The following FOCAD variants were observed in gnomAD, a reference collection of about 807,000 sequenced individuals.
FOCAD encodes the protein KIAA1797.
A neutral mutation model predicts 225.6 loss-of-function variants in FOCAD; 198 were observed. That is an observed-to-expected ratio of 0.88 (90% CI 0.78 to 0.99). FOCAD has a LOEUF of 0.99. Ranked by LOEUF, FOCAD falls within the 50% of genes least tolerant of loss-of-function variation. The probability of loss-of-function intolerance (pLI) is 0.00; values close to 1 mark genes in which losing one functional copy is unlikely to be tolerated. For missense variants in FOCAD, 2,713 were observed against 2,123.6 expected, an observed-to-expected ratio of 1.28 and a Z score of -5.46; for synonymous variants, 897 against 755.0, an observed-to-expected ratio of 1.19 and a Z score of -3.08.
intron 31 of FOCAD, 66 bp downstream of exon 31, chr9:20,948,459 C>A (rs904394163): frequency 5.2e-6 from 8 of 1,539,002 alleles, no homozygotes; most frequent in Admixed American, 1.9e-5. Context: ...TTTATTGGAT[C>A]ATTTATAGGA....
intron 5 of FOCAD, among the ~76,000 whole-genome samples, chr9:20,745,831 G>A (rs1827996152): frequency 6.6e-6 from 1 of 152,210 alleles, no homozygotes; most frequent in Non-Finnish European, 1.5e-5. Flanking sequence ...GTGGCAGATG[G>A]TGTGCTCGGA....
At position 20,816,866 on chromosome 9, in the gene FOCAD, T is replaced by A. The variant is rs1027338371; in HGVS notation, c.1456-2930T>A. 2.6e-5 allele frequency among the ~76,000 whole-genome samples: 4 copies of A among 152,148 alleles called. 1 individual carries two copies. Among genetic ancestry groups the A allele is most frequent in the Admixed American group, 6.5e-5 (1 of 15,276 alleles). ...AGTACAACAACTATTTACATAGCAT[T>A]TACATTGTTTTAGGCATTATAAGTA... On this transcript the variant is annotated intron_variant, in intron 11 of 43. Coordinates refer to ENST00000338382, the MANE Select transcript of FOCAD (RefSeq NM_001375567.1).
chr9:20,670,629 G>T (rs1445160433), intron 2 of FOCAD, among the ~76,000 whole-genome samples: 1 of 152,156 alleles, frequency 6.6e-6, no homozygotes, highest in Non-Finnish European at 1.5e-5. Flanking sequence ...TTCCCACCAA[G>T]TCCCTCCCTT....
intron 11 of FOCAD, among the ~76,000 whole-genome samples, chr9:20,814,829 A>C (rs549494164): frequency 4.6e-5 from 7 of 152,144 alleles, no homozygotes; most frequent in Non-Finnish European, 8.8e-5. Context: ...GTCACAAATT[A>C]CATCTTTTTA....
At chr9:20,769,157 T>C (rs1344364570) in intron 7 of FOCAD, among the ~76,000 whole-genome samples, 1 of 152,248 alleles carries the variant, frequency 6.6e-6, no homozygotes, top group African/African-American at 2.4e-5. Context: ...TGTTTTCTGC[T>C]ATTTCTTCTC....
intron 21 of FOCAD, among the ~76,000 whole-genome samples, chr9:20,888,928 C>T (rs1376993986): frequency 6.6e-6 from 1 of 152,136 alleles, no homozygotes; most frequent in Non-Finnish European, 1.5e-5. Context: ...GCAAATTACC[C>T]AGTCTTGGGT....
chr9:20,982,760 G>T (rs1359432816), intron 39 of FOCAD, among the ~76,000 whole-genome samples: 1 of 152,164 alleles, frequency 6.6e-6, no homozygotes, highest in African/African-American at 2.4e-5. Context: ...TATTAGCCCT[G>T]ACACAGGATA....
chr9:20,846,814 T>C (rs1273630556), intron 15 of FOCAD, among the ~76,000 whole-genome samples: 6 of 152,134 alleles, frequency 3.9e-5, no homozygotes, highest in Non-Finnish European at 8.8e-5. Flanking sequence ...AATGTAATCT[T>C]AATACTGATG....
At chr9:20,820,709 A>G (rs1202660594) in intron 13 of FOCAD, among the ~76,000 whole-genome samples, 4 of 152,086 alleles carry the variant, frequency 2.6e-5, no homozygotes, top group African/African-American at 9.7e-5. Flanking sequence ...AGCCTTTGTA[A>G]TTAGGGTGAG....
intron 4 of FOCAD, among the ~76,000 whole-genome samples, chr9:20,737,228 G>T (rs533648743): frequency 2.0e-5 from 3 of 152,234 alleles, no homozygotes; most frequent in Middle Eastern, 6.8e-3. Context: ...GAATCCCTTG[G>T]AATTAAAAGT....
At chr9:20,802,427 C>T (rs988749814) in intron 11 of FOCAD, among the ~76,000 whole-genome samples, 1 of 152,026 alleles carries the variant, frequency 6.6e-6, no homozygotes, top group Admixed American at 6.5e-5. Flanking sequence ...TGTAAGCTGT[C>T]TTCAAAGGGA....
intron 1 of FOCAD, among the ~76,000 whole-genome samples, chr9:20,693,077 C>T (rs144413958): frequency 1.1e-4 from 17 of 152,302 alleles, no homozygotes; most frequent in African/African-American, 4.1e-4. Flanking sequence ...TTCCCGTTGC[C>T]ACCCAAAGTA....
intron 22 of FOCAD, among the ~76,000 whole-genome samples, chr9:20,907,808 T>A (rs1833107142): frequency 6.6e-6 from 1 of 152,092 alleles, no homozygotes; most frequent in East Asian, 1.9e-4. Context: ...GTTCTCTAGA[T>A]CAATTTATCT....
intron 26 of FOCAD, among the ~76,000 whole-genome samples, chr9:20,927,000 T>A (rs976711319): frequency 7.4e-6 from 1 of 135,906 alleles, no homozygotes; most frequent in Admixed American, 7.7e-5. Context: ...GCATATATAA[T>A]GTGAAATATA....
rs529910842 is a variant in FOCAD at position 20,708,456 on chromosome 9, T to C, written c.-32-6866T>C. Among the ~76,000 whole-genome samples, 3 of 152,304 alleles carry C rather than the reference T, an allele frequency of 2.0e-5. No individual in the cohort carries two copies. In the South Asian group the frequency reaches 6.2e-4, roughly 32 times the overall value. On this transcript the variant is annotated intron_variant, in intron 1 of 43. Coordinates refer to ENST00000338382, the MANE Select transcript of FOCAD (RefSeq NM_001375567.1). ...ATCAGTGTGCTGATGATACTGCTCC[T>C]GTAAACTAGCTTTAAGAATGTACTC... is the stretch of plus-strand genomic sequence containing the variant.
At chr9:20,748,173 G>A (rs1392518752) in intron 5 of FOCAD, among the ~76,000 whole-genome samples, 1 of 151,840 alleles carries the variant, frequency 6.6e-6, no homozygotes, top group African/African-American at 2.4e-5. Flanking sequence ...CTGCCATAAG[G>A]GATTGAAACC....
intron 36 of FOCAD, among the ~76,000 whole-genome samples, chr9:20,977,477 CACATGCAA>C: frequency 6.6e-6 from 1 of 152,294 alleles, no homozygotes; most frequent in South Asian, 2.1e-4. Flanking sequence ...AATAGAGTTA[CACATGCAA>C]ATATAATTTA....
chr9:20,854,400 G>A lies in FOCAD; in HGVS notation c.1921-8178G>A, dbSNP rs146357318. On this transcript the variant is annotated intron_variant, in intron 15 of 43. Coordinates refer to ENST00000338382, the MANE Select transcript of FOCAD (RefSeq NM_001375567.1). ...TGGGCTTTACTGGTAACCTTGTGCT[G>A]TACATAGAGCAGGTGTTACTAGTAT... Among the ~76,000 whole-genome samples the A allele has an allele frequency of 3.4e-3, 520 of 151,788 alleles. 4 individuals carry two copies. Among genetic ancestry groups the A allele is most frequent in the African/African-American group, 9.6e-3 (397 of 41,488 alleles).
chr9:20,798,694 T>C (rs899381965), intron 11 of FOCAD, among the ~76,000 whole-genome samples: 17 of 152,160 alleles, frequency 1.1e-4, no homozygotes, highest in Non-Finnish European at 1.6e-4. Context: ...GGTGGTGATA[T>C]CCCCTTTATC....
Sources: allele counts gnomAD v4.1 joint callset (sites outside exome capture counted in the v4.1 genomes callset), GRCh38; gene constraint gnomAD v4.1.1; transcripts MANE v1.5; gene names NCBI Gene and HGNC (gene_info 2026-07-23, HGNC 2026-07-21).